The following ASH1L variants were observed in gnomAD, a reference collection of about 807,000 sequenced individuals.
ASH1L encodes histone-lysine N-methyltransferase ASH1L.
ASH1L carries 23 observed loss-of-function variants against 269.0 expected under a neutral mutation model. That is an observed-to-expected ratio of 0.09 (90% CI 0.06 to 0.12). The LOEUF is 0.12. Among genes scored for constraint, ASH1L ranks in the 10% least tolerant of loss-of-function variants. The probability of loss-of-function intolerance (pLI) is 1.00; values close to 1 mark genes in which losing one functional copy is unlikely to be tolerated. For missense variants in ASH1L, 2,912 were observed against 3,567.8 expected, an observed-to-expected ratio of 0.82 and a Z score of 4.68; for synonymous variants, 1,187 against 1,253.5, an observed-to-expected ratio of 0.95 and a Z score of 1.12.
At chr1:155,369,625 C>G (rs1445872368) in intron 12 of ASH1L, among the ~76,000 whole-genome samples, 1 of 151,974 alleles carries the variant, frequency 6.6e-6, no homozygotes, top group Admixed American at 6.6e-5. Flanking sequence ...GGGAAGGGAC[C>G]TCCAGATTCA....
At chr1:155,435,008 A>C (rs1221373461) in intron 5 of ASH1L, among the ~76,000 whole-genome samples, 7 of 151,980 alleles carry the variant, frequency 4.6e-5, no homozygotes, top group Non-Finnish European at 1.0e-4. Flanking sequence ...AAATACAAAA[A>C]TTAGCTGGGC....
At position 155,482,412 on chromosome 1, in the gene ASH1L, G is replaced by A. The variant is rs1429647028; in HGVS notation, c.458C>T (p.Ala153Val). The change falls in exon 3 of 28, where the codon GCA becomes GTA. Residue 153 changes from alanine to valine, a missense_variant. Physicochemically the swap from Ala to Val is moderately conservative, Grantham distance 64. Transcript: ENST00000392403. ...TTCTTCAGACTGGCATTCAATGGCT[G>A]CAACATCATCTGCTTTCTTGTACAA... is the stretch of plus-strand genomic sequence containing the variant. ...SKLYKKADDVAAIECQSEEVI... is the reference protein window; with the variant it reads ...SKLYKKADDVVAIECQSEEVI... 6.2e-7 allele frequency: 1 copy of A among 1,613,600 alleles called. No homozygotes were observed. Among genetic ancestry groups the A allele is most frequent in the Admixed American group, 1.7e-5 (1 of 59,932 alleles).
At chr1:155,557,443 GT>G (rs1246695739) in intron 1 of ASH1L, among the ~76,000 whole-genome samples, 8 of 149,230 alleles carry the variant, frequency 5.4e-5, no homozygotes, top group Admixed American at 2.0e-4. Flanking sequence ...TGTTTTTTGG[GT>G]TTTTTTTTTG....
intron 2 of ASH1L, 60 bp from the exon 3 acceptor site, chr1:155,482,509 G>A (rs1438629011): frequency 1.3e-6 from 2 of 1,509,138 alleles, no homozygotes; most frequent in Non-Finnish European, 1.8e-6. Context: ...CTTTAGCTTA[G>A]CTTAACAATC....
chr1:155,380,803 AT>A (rs34017490), intron 7 of ASH1L, among the ~76,000 whole-genome samples: 811 of 126,192 alleles, frequency 6.4e-3, no homozygotes, highest in African/African-American at 0.01. Context: ...GCTAATTTGT[AT>A]TTTTTTTTTT....
chr1:155,505,651 CTG>C (rs955814592), intron 2 of ASH1L, among the ~76,000 whole-genome samples: 6 of 152,164 alleles, frequency 3.9e-5, no homozygotes, highest in East Asian at 3.9e-4. Context: ...TTTCGTAACT[CTG>C]TATACACTTA....
At chr1:155,493,924 C>T (rs1355679405) in intron 2 of ASH1L, among the ~76,000 whole-genome samples, 4 of 151,942 alleles carry the variant, frequency 2.6e-5, no homozygotes, top group Admixed American at 2.0e-4. Flanking sequence ...TAAGTACCTA[C>T]TATTGAGCAC....
intron 1 of ASH1L, among the ~76,000 whole-genome samples, chr1:155,552,829 G>A (rs944310327): frequency 1.3e-5 from 2 of 152,092 alleles, no homozygotes; most frequent in Non-Finnish European, 2.9e-5. Context: ...TTACCTATGA[G>A]GGAAGTAATC....
chr1:155,450,931 C>T (rs1009233057), intron 4 of ASH1L, among the ~76,000 whole-genome samples: 11 of 152,112 alleles, frequency 7.2e-5, no homozygotes, highest in Non-Finnish European at 8.8e-5. Context: ...GGTGCAGTGG[C>T]TCACACCTGT....
intron 1 of ASH1L, among the ~76,000 whole-genome samples, chr1:155,536,014 A>C (rs1670033115): frequency 6.6e-6 from 1 of 152,072 alleles, no homozygotes; most frequent in Non-Finnish European, 1.5e-5. Context: ...AAAAAAAAAA[A>C]AGAAAAAAAT....
Position 155,562,575 on chromosome 1 carries a change from C to T in ASH1L, c.-522G>A, listed in dbSNP as rs937233815. ...TCCCACCGTCCCCCGCTCCGCCCGA[C>T]TCCGTCCGCGTAGCGCGCACGCCCG... On this transcript the variant is annotated 5_prime_UTR_variant, in exon 1 of 28. Coordinates refer to ENST00000392403, the MANE Select transcript of ASH1L (RefSeq NM_018489.3). 6.5e-7 allele frequency: 1 copy of T among 1,529,882 alleles called. No homozygotes were observed. Among genetic ancestry groups the T allele is most frequent in the African/African-American group, 1.4e-5 (1 of 72,842 alleles). The allele number at this position is 1,529,882 out of a possible 1,614,324, so 94.8% of individuals were successfully genotyped here.
In ASH1L at chr1:155,463,117, C is replaced by T. The variant is rs530693936; in HGVS notation, c.4985-3219G>A. ...TGCCAGAAATACACTGTTTTATAAACGCCAATTTGCAGTTGGGCTTCCAGA... is the reference window on the plus strand; with the variant it reads ...TGCCAGAAATACACTGTTTTATAAATGCCAATTTGCAGTTGGGCTTCCAGA... On this transcript the variant is annotated intron_variant, in intron 3 of 27. Transcript: ENST00000392403. Among the ~76,000 whole-genome samples, 4 of 152,272 alleles carry T rather than the reference C, an allele frequency of 2.6e-5. No individual in the cohort carries two copies. The East Asian group carries it at 5.8e-4, about 22-fold the overall frequency.
In ASH1L at chr1:155,417,576, A is replaced by G. The variant is rs370334137; in HGVS notation, c.5829-1653T>C. ...TCATTCCATTAGGCAAAGTAGAAAG[A>G]CATTGTTCAACAATAGGGGACATTA... On this transcript the variant is annotated intron_variant, in intron 5 of 27. Transcript: ENST00000392403. 9.2e-5 allele frequency among the ~76,000 whole-genome samples: 14 copies of G among 152,300 alleles called. No homozygotes were observed. In the East Asian group the frequency reaches 1.9e-3, roughly 21 times the overall value.
intron 6 of ASH1L, among the ~76,000 whole-genome samples, chr1:155,411,389 G>A (rs1157565428): frequency 6.6e-6 from 1 of 150,850 alleles, no homozygotes; most frequent in African/African-American, 2.4e-5. Flanking sequence ...TCCATTTTCA[G>A]GTCAAATCTT....
chr1:155,392,333 C>T (rs1379261189), intron 7 of ASH1L, among the ~76,000 whole-genome samples: 2 of 152,128 alleles, frequency 1.3e-5, no homozygotes, highest in East Asian at 3.9e-4. Context: ...TGGGACCTGG[C>T]CACAGATAAA....
rs752607385 is a variant in ASH1L at position 155,360,198 on chromosome 1, A to G, written c.6795+103T>C. On this transcript the variant is annotated intron_variant, in intron 13 of 27. Coordinates refer to ENST00000392403, the MANE Select transcript of ASH1L (RefSeq NM_018489.3). The stretch of plus-strand genomic sequence containing the variant: ...AACCACTGTGTCCAGCCTCCCACAT[A>G]CTTCTTAATGGCTCCAAGTCAATCA... 3.2e-4 allele frequency: 257 copies of G among 793,932 alleles called. 2 individuals are homozygous for G. Among genetic ancestry groups the G allele is most frequent in the Non-Finnish European group, 4.8e-4 (226 of 474,172 alleles). The allele number at this position is 793,932 out of a possible 1,614,324, so 49.2% of individuals were successfully genotyped here.
intron 6 of ASH1L, among the ~76,000 whole-genome samples, chr1:155,413,637 CAAAG>C (rs1384620043): frequency 6.6e-6 from 1 of 152,058 alleles, no homozygotes; most frequent in Non-Finnish European, 1.5e-5. Flanking sequence ...AAACAAAAAA[CAAAG>C]AAGGAGCATG....
intron 1 of ASH1L, among the ~76,000 whole-genome samples, chr1:155,533,337 T>C (rs1196756192): frequency 2.6e-5 from 4 of 152,022 alleles, no homozygotes; most frequent in Non-Finnish European, 4.4e-5. Flanking sequence ...TTTTTAGACA[T>C]GAAAAGACAG....
At chr1:155,378,175 A>T in intron 10 of ASH1L, 106 bp downstream of exon 10, 4 of 802,100 alleles carry the variant, frequency 5.0e-6, no homozygotes, top group South Asian at 3.7e-5. Context: ...TCTTTGTGCA[A>T]CTTCTTGAAA....
Sources: gnomAD v4.1 joint callset for allele counts (sites outside exome capture counted in the v4.1 genomes callset) on GRCh38, gnomAD v4.1.1 for gene constraint, MANE v1.5 for transcripts, NCBI Gene and HGNC (gene_info 2026-07-23, HGNC 2026-07-21) for gene names.